The following GRID2 variants were observed in gnomAD, a reference collection of about 807,000 sequenced individuals.
GRID2 encodes the protein glutamate ionotropic receptor delta type subunit 2, also known as glutamate receptor ionotropic, delta-2.
A neutral mutation model predicts 114.8 loss-of-function variants in GRID2; 33 were observed. That is an observed-to-expected ratio of 0.29 (90% CI 0.22 to 0.38). GRID2 has a LOEUF of 0.38. Among genes scored for constraint, GRID2 ranks in the 10% least tolerant of loss-of-function variants. GRID2 has a pLI of 1.00. For missense variants in GRID2, 1,184 were observed against 1,257.7 expected (o/e 0.94, Z 0.89); for synonymous variants, 505 against 449.9 (o/e 1.12, Z -1.55).
chr4:92,982,419 A>G (rs558936422), intron 2 of GRID2, among the ~76,000 whole-genome samples: 3 of 152,256 alleles, frequency 2.0e-5, no homozygotes, highest in Non-Finnish European at 2.9e-5. Flanking sequence ...GCAATGACAT[A>G]TTATTTGAGT....
intron 2 of GRID2, among the ~76,000 whole-genome samples, chr4:92,980,147 A>G (rs1754103277): frequency 6.6e-6 from 1 of 152,146 alleles, no homozygotes; most frequent in Admixed American, 6.6e-5. Flanking sequence ...AATAACTTCA[A>G]GAACCCAATT....
intron 2 of GRID2, among the ~76,000 whole-genome samples, chr4:92,661,620 T>A (rs1218677790): frequency 6.6e-6 from 1 of 151,026 alleles, no homozygotes; most frequent in Admixed American, 6.6e-5. Flanking sequence ...TCCTTCAATT[T>A]ACAAATCATA....
At chr4:92,432,433 C>T (rs1190995193) in intron 1 of GRID2, among the ~76,000 whole-genome samples, 1 of 152,028 alleles carries the variant, frequency 6.6e-6, no homozygotes, top group Non-Finnish European at 1.5e-5. Context: ...TATTCTGCTG[C>T]TTCTGAACTG....
At chr4:93,103,642 G>A (rs1309475972) in intron 3 of GRID2, among the ~76,000 whole-genome samples, 2 of 151,938 alleles carry the variant, frequency 1.3e-5, no homozygotes, top group African/African-American at 4.8e-5. Flanking sequence ...ACTTTTAAGG[G>A]AGGCAAGCAG....
intron 1 of GRID2, among the ~76,000 whole-genome samples, chr4:92,334,401 A>G (rs1003625961): frequency 3.3e-5 from 5 of 152,028 alleles, no homozygotes; most frequent in African/African-American, 1.2e-4. Flanking sequence ...TTCCAAAGTC[A>G]CTTCCACATT....
intron 8 of GRID2, among the ~76,000 whole-genome samples, chr4:93,389,377 G>T (rs988598320): frequency 6.6e-6 from 1 of 151,944 alleles, no homozygotes; most frequent in African/African-American, 2.4e-5. Context: ...GGAGGGGAAT[G>T]ACCCCGAAGA....
intron 2 of GRID2, among the ~76,000 whole-genome samples, chr4:92,661,315 A>C (rs76645132): frequency 0.061 from 9,206 of 151,114 alleles, 335 homozygotes; most frequent in East Asian, 0.16. Context: ...AAAAGTATCA[A>C]AAAATCTAAC....
intron 2 of GRID2, among the ~76,000 whole-genome samples, chr4:92,742,615 T>G (rs548566331): frequency 6.6e-6 from 1 of 152,348 alleles, no homozygotes; most frequent in African/African-American, 2.4e-5. Flanking sequence ...AAGTCCATTA[T>G]GTTTGATTTT....
chr4:92,427,596 A>C (rs2110334846), intron 1 of GRID2, among the ~76,000 whole-genome samples: 1 of 152,282 alleles, frequency 6.6e-6, no homozygotes, highest in Admixed American at 6.5e-5. Context: ...TTTTTAAGAA[A>C]ATGTAAATAA....
At chr4:93,234,454 G>GACA (rs1490309754) in intron 7 of GRID2, among the ~76,000 whole-genome samples, 2 of 152,062 alleles carry the variant, frequency 1.3e-5, no homozygotes, top group Admixed American at 6.6e-5. Context: ...CTAAGATGGA[G>GACA]ACAGCATGAT....
chr4:92,757,065 A>C (rs1737752488), intron 2 of GRID2, among the ~76,000 whole-genome samples: 1 of 151,994 alleles, frequency 6.6e-6, no homozygotes, highest in Admixed American at 6.6e-5. Context: ...GCTTTCTTCT[A>C]GTAGTTTTAT....
In GRID2 at chr4:93,085,247, A is replaced by G; in HGVS notation, c.497A>G (p.Gln166Arg). The change falls in exon 3 of 16, where the codon CAG (glutamine) becomes CGG (arginine). Residue 166 changes from glutamine (Q) to arginine (R), a missense_variant. Gln to Arg is a conservative substitution (Grantham distance 43). Around this residue, in one of 3 missense-constraint regions of GRID2, gnomAD observed 455 missense variants for 429.5 expected, o/e 1.06. Transcript: ENST00000282020. Reference sequence around the variant, plus strand: ...AGAGTGGTCACAGAGTATGCCTGGCAGAAATTCATTATATTCTATGATAGT... The same window carrying G: ...AGAGTGGTCACAGAGTATGCCTGGCGGAAATTCATTATATTCTATGATAGT... ...ILRVVTEYAW[Q>R]KFIIFYDSEY... 1 of 1,613,564 alleles carries G rather than the reference A, an allele frequency of 6.2e-7. No homozygotes were observed. Among genetic ancestry groups the G allele is most frequent in the Non-Finnish European group, 8.5e-7 (1 of 1,179,436 alleles).
At chr4:92,331,148 A>G (rs1006838871) in intron 1 of GRID2, among the ~76,000 whole-genome samples, 2 of 152,212 alleles carry the variant, frequency 1.3e-5, no homozygotes, top group African/African-American at 4.8e-5. Flanking sequence ...ATTGCCAAAT[A>G]ATGTGTCAGA....
At chr4:93,234,444 C>T (rs191930619) in intron 7 of GRID2, among the ~76,000 whole-genome samples, 32 of 152,176 alleles carry the variant, frequency 2.1e-4, no homozygotes, top group Middle Eastern at 3.4e-3. Flanking sequence ...TAAGGGTCCC[C>T]TAAGATGGAG....
intron 8 of GRID2, among the ~76,000 whole-genome samples, chr4:93,382,468 T>C (rs991656926): frequency 2.0e-5 from 3 of 152,074 alleles, no homozygotes; most frequent in African/African-American, 7.2e-5. Context: ...CATGGTCTTC[T>C]CTTTACATTT....
At chr4:93,358,359 T>C (rs1458665381) in intron 8 of GRID2, among the ~76,000 whole-genome samples, 1 of 151,954 alleles carries the variant, frequency 6.6e-6, no homozygotes, top group Non-Finnish European at 1.5e-5. Context: ...TTTAAATTGG[T>C]ACATTTTAAT....
At position 92,818,509 on chromosome 4, in the gene GRID2, C is replaced by G. The variant is rs78192716; in HGVS notation, c.244+228223C>G. On this transcript the variant is annotated intron_variant, in intron 2 of 15. Coordinates refer to ENST00000282020, the MANE Select transcript of GRID2 (RefSeq NM_001510.4). ...CTTAATAAGAGCTATTTTGCCTATA[C>G]TAATGGACAGTTAACAGTCTGATTT... 2.0e-5 allele frequency among the ~76,000 whole-genome samples: 3 copies of G among 152,182 alleles called. No homozygotes were observed. In the East Asian group the frequency reaches 5.8e-4, roughly 29 times the overall value.
At chr4:93,634,797 A>T (rs1375875596) in intron 14 of GRID2, among the ~76,000 whole-genome samples, 1 of 152,300 alleles carries the variant, frequency 6.6e-6, no homozygotes, top group South Asian at 2.1e-4. Flanking sequence ...AGAAAAAAAG[A>T]TAAGTTTGGA....
At chr4:93,727,397 A>C (rs1427021525) in intron 14 of GRID2, among the ~76,000 whole-genome samples, 4 of 152,178 alleles carry the variant, frequency 2.6e-5, no homozygotes, top group African/African-American at 4.8e-5. Flanking sequence ...CCAGTATTTT[A>C]TTGAGGATTT....
Sources: gnomAD v4.1 joint callset for allele counts (sites outside exome capture counted in the v4.1 genomes callset) on GRCh38, gnomAD v4.1.1 for gene constraint, gnomAD v4.1.1 regional missense constraint, MANE v1.5 for transcripts, NCBI Gene and HGNC (gene_info 2026-07-23, HGNC 2026-07-21) for gene names.